Variants in CTNNA3 observed in about 807,000 individuals in gnomAD.
CTNNA3 encodes catenin alpha 3.
Under a neutral mutation model 95.7 loss-of-function variants are expected in CTNNA3, and 76 were observed. The observed-to-expected ratio is 0.79, with a 90% CI of 0.66 to 0.96. The LOEUF is 0.96. CTNNA3 is among the 40% of genes least tolerant of loss of function. The pLI is 0.00. For missense variants in CTNNA3, 1,191 were observed against 1,089.8 expected (o/e 1.09, Z -1.31); for synonymous variants, 431 against 374.4 (o/e 1.15, Z -1.74).
chr10:66,603,814 A>G (rs1249575949), intron 10 of CTNNA3, among the ~76,000 whole-genome samples: 1 of 152,206 alleles, frequency 6.6e-6, no homozygotes, highest in African/African-American at 2.4e-5. Flanking sequence ...AGAGTGCCAA[A>G]AGCATACATC....
At chr10:67,097,603 A>G in intron 7 of CTNNA3, 1 of 1,612,294 alleles carries the variant, frequency 6.2e-7, no homozygotes, top group African/African-American at 1.3e-5. Context: ...TTATCAATGA[A>G]TGTGTCAACC....
chr10:66,930,860 G>T (rs1241535945), intron 7 of CTNNA3, among the ~76,000 whole-genome samples: 1 of 152,014 alleles, frequency 6.6e-6, no homozygotes, highest in Non-Finnish European at 1.5e-5. Context: ...TTTTGATTTG[G>T]GACATGAAAT....
intron 1 of CTNNA3, among the ~76,000 whole-genome samples, chr10:67,708,398 A>C (rs1439462172): frequency 6.6e-6 from 1 of 152,146 alleles, no homozygotes; most frequent in Non-Finnish European, 1.5e-5. Flanking sequence ...AAACCAGACC[A>C]TCTTGTATTG....
intron 12 of CTNNA3, among the ~76,000 whole-genome samples, chr10:66,312,300 T>C (rs550061869): frequency 6.6e-6 from 1 of 152,158 alleles, no homozygotes; most frequent in Admixed American, 6.5e-5. Flanking sequence ...CATCTCACTA[T>C]GTAGTTAGGC....
At chr10:67,247,226 T>C (rs1408976861) in intron 5 of CTNNA3, among the ~76,000 whole-genome samples, 2 of 152,202 alleles carry the variant, frequency 1.3e-5, no homozygotes, top group African/African-American at 4.8e-5. Context: ...TCTTTGCAGA[T>C]GCCATAATCT....
chr10:67,180,341 A>G lies in CTNNA3; in HGVS notation c.1023T>C (p.Asp341=). 6.2e-7 allele frequency: 1 copy of G among 1,613,566 alleles called. No individual in the cohort carries two copies. Among genetic ancestry groups the G allele is most frequent in the Middle Eastern group, 1.7e-4 (1 of 6,056 alleles). Residue 341 remains aspartate (D), a synonymous_variant, in exon 7 of 18, where the codon GAT becomes GAC. Coordinates refer to ENST00000433211, the MANE Select transcript of CTNNA3 (RefSeq NM_013266.4). ...ECNAIRQALQ[D]LLSEYMNNAG... is the part of the protein sequence containing the mutation. ...CGTTGTTCATGTACTCTGAAAGCAG[A>G]TCCTGAAGAGCCTGGCGAATGGCGT...
chr10:67,048,696 G>T (rs79025089), intron 7 of CTNNA3, among the ~76,000 whole-genome samples: 3,567 of 152,054 alleles, frequency 0.023, 144 homozygotes, highest in African/African-American at 0.08. Context: ...AAATTTCCAG[G>T]ATCAAAGTTC....
chr10:66,687,996 A>G (rs570303200), intron 9 of CTNNA3, among the ~76,000 whole-genome samples: 1 of 152,238 alleles, frequency 6.6e-6, no homozygotes, highest in African/African-American at 2.4e-5. Context: ...AGATTGTGTC[A>G]AACACCAAAT....
At chr10:66,230,754 G>T (rs1440390841) in intron 13 of CTNNA3, among the ~76,000 whole-genome samples, 1 of 152,162 alleles carries the variant, frequency 6.6e-6, no homozygotes, top group African/African-American at 2.4e-5. Context: ...TGGGCAGGTG[G>T]CTCTTGGATT....
At chr10:66,786,732 C>A (rs1226953138) in intron 7 of CTNNA3, among the ~76,000 whole-genome samples, 1 of 152,090 alleles carries the variant, frequency 6.6e-6, no homozygotes, top group African/African-American at 2.4e-5. Context: ...CCAAAAGCTA[C>A]CTTGGAAACA....
At chr10:66,574,477 G>A (rs1253407979) in intron 10 of CTNNA3, among the ~76,000 whole-genome samples, 1 of 151,958 alleles carries the variant, frequency 6.6e-6, no homozygotes, top group East Asian at 1.9e-4. Flanking sequence ...AAAGAAATTA[G>A]AATAAGAAAA....
At chr10:67,073,551 TG>T (rs1856578796) in intron 7 of CTNNA3, among the ~76,000 whole-genome samples, 1 of 151,662 alleles carries the variant, frequency 6.6e-6, no homozygotes, top group Non-Finnish European at 1.5e-5. Flanking sequence ...CTAGATGCTA[TG>T]ATTAAGCCCA....
intron 11 of CTNNA3, among the ~76,000 whole-genome samples, chr10:66,393,618 C>T (rs187889135): frequency 9.2e-4 from 140 of 152,138 alleles, no homozygotes; most frequent in African/African-American, 3.3e-3. Context: ...TATTCTTTCC[C>T]CAAGTTTCTA....
chr10:66,339,350 A>G (rs1335564838), intron 12 of CTNNA3, among the ~76,000 whole-genome samples: 2 of 152,008 alleles, frequency 1.3e-5, no homozygotes, highest in East Asian at 1.9e-4. Context: ...ACTTTTGTGA[A>G]TATCTAAATC....
intron 5 of CTNNA3, among the ~76,000 whole-genome samples, chr10:67,364,939 A>T (rs1449912576): frequency 6.6e-6 from 1 of 152,202 alleles, no homozygotes; most frequent in Non-Finnish European, 1.5e-5. Flanking sequence ...CAAAAAGAAC[A>T]AAGTTGGAGG....
intron 9 of CTNNA3, among the ~76,000 whole-genome samples, chr10:66,694,408 C>A (rs1167409907): frequency 6.6e-6 from 1 of 152,078 alleles, no homozygotes; most frequent in Non-Finnish European, 1.5e-5. Flanking sequence ...CAAGACGAAA[C>A]CAAGAAGAAG....
intron 5 of CTNNA3, among the ~76,000 whole-genome samples, chr10:67,292,691 G>T (rs551374187): frequency 2.6e-5 from 4 of 152,078 alleles, no homozygotes; most frequent in African/African-American, 9.6e-5. Context: ...GAAAGCTTTA[G>T]TTTTACTTAA....
intron 9 of CTNNA3, among the ~76,000 whole-genome samples, chr10:66,702,709 A>C (rs1464733048): frequency 3.0e-5 from 3 of 101,154 alleles, no homozygotes; most frequent in African/African-American, 5.4e-5. Flanking sequence ...CTCCACCTCA[A>C]AAAAAAAAAA....
chr10:66,458,392 ACT>A (rs2093508399), intron 11 of CTNNA3, among the ~76,000 whole-genome samples: 1 of 152,194 alleles, frequency 6.6e-6, no homozygotes, highest in Non-Finnish European at 1.5e-5. Flanking sequence ...AAAGTGTTAA[ACT>A]TATATTTTCT....
Sources: gnomAD v4.1 joint callset for allele counts (sites outside exome capture counted in the v4.1 genomes callset) on GRCh38, gnomAD v4.1.1 for gene constraint, MANE v1.5 for transcripts, NCBI Gene and HGNC (gene_info 2026-07-23, HGNC 2026-07-21) for gene names.